The following GABRB3 variants were observed in gnomAD, a reference collection of about 807,000 sequenced individuals.
GABRB3 encodes gamma-aminobutyric acid receptor subunit beta-3.
Under a neutral mutation model 52.1 loss-of-function variants are expected in GABRB3, and 14 were observed. The observed-to-expected ratio is 0.27, with a 90% CI of 0.18 to 0.42. GABRB3 has a LOEUF of 0.42. GABRB3 is among the 10% of genes least tolerant of loss of function. GABRB3 has a pLI of 1.00. For missense variants in GABRB3, 307 were observed against 609.1 expected (o/e 0.50, Z 5.22); for synonymous variants, 260 against 232.3 (o/e 1.12, Z -1.08).
At chr15:26,623,871 GC>G (rs1036445647) in intron 3 of GABRB3, among the ~76,000 whole-genome samples, 1 of 152,108 alleles carries the variant, frequency 6.6e-6, no homozygotes, top group Non-Finnish European at 1.5e-5. Flanking sequence ...TCCCTGAGCA[GC>G]CCCCATGGCA....
chr15:26,750,861 T>C (rs11629495), intron 3 of GABRB3, among the ~76,000 whole-genome samples: 67,041 of 152,066 alleles, frequency 0.44, 17,078 homozygotes, highest in South Asian at 0.63. Flanking sequence ...TTTTTGCTAA[T>C]TACTTAATGA....
chr15:26,755,018 T>C (rs1890621473), intron 3 of GABRB3, among the ~76,000 whole-genome samples: 1 of 151,338 alleles, frequency 6.6e-6, no homozygotes, highest in African/African-American at 2.4e-5. Flanking sequence ...TTTTTTTTTT[T>C]TTTTGAGACG....
chr15:26,715,782 G>A (rs1435636576), intron 3 of GABRB3, among the ~76,000 whole-genome samples: 1 of 152,096 alleles, frequency 6.6e-6, no homozygotes, highest in African/African-American at 2.4e-5. Flanking sequence ...TGTCTTGTGT[G>A]CAAAATCCAT....
At chr15:26,548,721 T>C (rs1277703393) in intron 8 of GABRB3, among the ~76,000 whole-genome samples, 3 of 152,196 alleles carry the variant, frequency 2.0e-5, no homozygotes, top group African/African-American at 4.8e-5. Context: ...TGAAGGGCTA[T>C]ATATAAAATA....
chr15:26,642,552 A>G, intron 3 of GABRB3: 1 of 1,229,906 alleles, frequency 8.1e-7, no homozygotes. Flanking sequence ...AGAAACATGA[A>G]GGACACTTTG....
chr15:26,572,023 C>T (rs1028303436), intron 6 of GABRB3, among the ~76,000 whole-genome samples: 15 of 139,142 alleles, frequency 1.1e-4, no homozygotes, highest in African/African-American at 3.8e-4. Flanking sequence ...TCCAGCCTGG[C>T]GACAGAGCGA....
intron 4 of GABRB3, among the ~76,000 whole-genome samples, chr15:26,585,416 T>G (rs1267896633): frequency 2.0e-5 from 3 of 152,148 alleles, no homozygotes; most frequent in African/African-American, 7.2e-5. Flanking sequence ...TACCAACAGA[T>G]CCTAATCCAA....
intron 3 of GABRB3, among the ~76,000 whole-genome samples, chr15:26,665,322 A>G (rs550829780): frequency 1.6e-4 from 24 of 152,192 alleles, no homozygotes; most frequent in Non-Finnish European, 1.5e-4. Context: ...AATCTTCAAG[A>G]TCATAGAATT....
At position 26,621,321 on chromosome 15, in the gene GABRB3, C is replaced by A; in HGVS notation, c.454G>T (p.Gly152Trp). The change falls in exon 4 of 9, where the codon GGG (glycine) becomes TGG (tryptophan). Residue 152 changes from glycine to tryptophan, a missense_variant. Around this residue, in one of 6 missense-constraint regions of GABRB3, gnomAD observed 16 missense variants for 102.6 expected, o/e 0.16. Coordinates refer to ENST00000311550, the MANE Select transcript of GABRB3 (RefSeq NM_000814.6). The surrounding 1 kb of genome is among the most constrained non-coding windows in gnomAD (Gnocchi z 4.1). ...RLHPDGTVLY[G>W]LRITTTAACM... Reference sequence around the variant, plus strand: ...CTGAAGAGGCACACAGACCTGAGCCCATACAGCACTGTCCCATCAGGGTGA... The same window carrying A: ...CTGAAGAGGCACACAGACCTGAGCCAATACAGCACTGTCCCATCAGGGTGA... 1 of 1,613,322 alleles carries A rather than the reference C, an allele frequency of 6.2e-7. No homozygotes were observed. The highest frequency in any genetic ancestry group is 8.5e-7 in the Non-Finnish European group (1 of 1,179,880).
At chr15:26,772,271 C>A in intron 3 of GABRB3, 131 bp downstream of exon 3, 1 of 747,290 alleles carries the variant, frequency 1.3e-6, no homozygotes, top group Non-Finnish European at 2.1e-6. Context: ...CGCCTGGGAG[C>A]GCGGCTCCCT....
chr15:26,749,679 G>C (rs1890448848), intron 3 of GABRB3, among the ~76,000 whole-genome samples: 1 of 152,204 alleles, frequency 6.6e-6, no homozygotes, highest in Non-Finnish European at 1.5e-5. Context: ...TGTTTGGCTG[G>C]AGTAGGGTAG....
At chr15:26,575,319 G>C (rs1448995275) in intron 6 of GABRB3, among the ~76,000 whole-genome samples, 1 of 152,178 alleles carries the variant, frequency 6.6e-6, no homozygotes, top group East Asian at 1.9e-4. Context: ...GCACGCTCTG[G>C]TCCAGCATTT....
chr15:26,727,237 G>A (rs1052841153), intron 3 of GABRB3, among the ~76,000 whole-genome samples: 6 of 152,182 alleles, frequency 3.9e-5, no homozygotes, highest in Non-Finnish European at 5.9e-5. Context: ...TATGATTCCT[G>A]TCGAATGACG....
intron 3 of GABRB3, among the ~76,000 whole-genome samples, chr15:26,751,473 C>G (rs976244238): frequency 2.6e-5 from 4 of 152,106 alleles, no homozygotes; most frequent in Non-Finnish European, 5.9e-5. Context: ...TAAAAAAGGG[C>G]TCTCTAGACA....
At chr15:26,618,619 T>C (rs1397674116) in intron 4 of GABRB3, among the ~76,000 whole-genome samples, 3 of 152,208 alleles carry the variant, frequency 2.0e-5, no homozygotes, top group African/African-American at 7.2e-5. Flanking sequence ...AAGGACTTCA[T>C]GTCTAAAACA....
chr15:26,675,210 C>T (rs1888028935), intron 3 of GABRB3, among the ~76,000 whole-genome samples: 1 of 152,162 alleles, frequency 6.6e-6, no homozygotes, highest in African/African-American at 2.4e-5. Context: ...TTCTGAACAA[C>T]AACAAAACAT....
intron 3 of GABRB3, among the ~76,000 whole-genome samples, chr15:26,659,354 C>T (rs953276244): frequency 6.6e-6 from 1 of 152,236 alleles, no homozygotes; most frequent in East Asian, 1.9e-4. Context: ...GAAACTCCAT[C>T]TCTATTAAAA....
Position 26,621,459 on chromosome 15 carries a change from G to C in GABRB3, c.316C>G (p.Leu106Val). The C allele has an allele frequency of 6.2e-7, 1 of 1,614,148 alleles. No homozygotes were observed. The highest frequency in any genetic ancestry group is 2.2e-5 in the East Asian group (1 of 44,876). The change falls in exon 4 of 9, where the codon CTC becomes GTC. Residue 106 changes from leucine (L) to valine (V), a missense_variant. Around this residue, in one of 6 missense-constraint regions of GABRB3, gnomAD observed 31 missense variants for 71.2 expected, o/e 0.44. Transcript: ENST00000311550. The surrounding 1 kb of genome is among the most constrained non-coding windows in gnomAD (Gnocchi z 4.1). ...TCAGCCACTCGATTGTCAAGCGTGAGGTTGAGAGGGATCCCAGAATAGGCG... is the reference window on the plus strand; with the variant it reads ...TCAGCCACTCGATTGTCAAGCGTGACGTTGAGAGGGATCCCAGAATAGGCG... ...RLAYSGIPLN[L>V]TLDNRVADQL...
At chr15:26,648,540 G>C (rs1366520215) in intron 3 of GABRB3, among the ~76,000 whole-genome samples, 1 of 152,218 alleles carries the variant, frequency 6.6e-6, no homozygotes, top group Non-Finnish European at 1.5e-5. Context: ...GAAAGGGGCA[G>C]AGAAAGGGCC....
Sources: allele counts gnomAD v4.1 joint callset (sites outside exome capture counted in the v4.1 genomes callset), GRCh38; gene constraint gnomAD v4.1.1; regional missense constraint gnomAD v4.1.1; non-coding constraint Gnocchi (gnomAD v3.1); transcripts MANE v1.5; gene names NCBI Gene and HGNC (gene_info 2026-07-23, HGNC 2026-07-21).